The following KSR2 variants were observed in gnomAD, a reference collection of about 807,000 sequenced individuals.
KSR2 encodes the protein kinase suppressor of ras 2.
In KSR2, 25 loss-of-function variants were observed where a neutral mutation model predicts 107.8. The observed-to-expected ratio is 0.23, with a 90% CI of 0.17 to 0.32. The LOEUF is 0.32. Ranked by LOEUF, KSR2 falls within the 10% of genes least tolerant of loss-of-function variation. The probability of loss-of-function intolerance (pLI) is 1.00; values close to 1 mark genes in which losing one functional copy is unlikely to be tolerated. For synonymous variants in KSR2, 480 were observed against 507.0 expected (o/e 0.95, Z 0.71); for missense variants, 887 against 1,268.9 (o/e 0.70, Z 4.57).
rs186142077 is a variant in KSR2, at chr12:117,700,072, G to A, written c.987-32414C>T. On this transcript the variant is annotated intron_variant, in intron 4 of 19. Coordinates refer to ENST00000339824, the MANE Select transcript of KSR2 (RefSeq NM_173598.6). Reference sequence around the variant, plus strand: ...ACTTTTTTTTTTTTTAGTAGAGACCGGTTTCACCATGTTGGCCAGGCTGGT... The same window carrying A: ...ACTTTTTTTTTTTTTAGTAGAGACCAGTTTCACCATGTTGGCCAGGCTGGT... Among the ~76,000 whole-genome samples, 700 of 150,500 alleles carry A rather than the reference G, an allele frequency of 4.7e-3. 1 individual carries two copies. Among genetic ancestry groups the A allele is most frequent in the African/African-American group, 6.6e-3 (273 of 41,150 alleles).
At chr12:117,470,397 C>A (rs1174347900) in intron 18 of KSR2, among the ~76,000 whole-genome samples, 2 of 152,062 alleles carry the variant, frequency 1.3e-5, no homozygotes, top group African/African-American at 4.8e-5. Flanking sequence ...ATCCATCCAT[C>A]CATCCATCCA....
At chr12:117,932,111 AC>A (rs1212186829) in intron 1 of KSR2, among the ~76,000 whole-genome samples, 3 of 151,708 alleles carry the variant, frequency 2.0e-5, no homozygotes, top group Non-Finnish European at 4.4e-5. Context: ...ACATGGCAAA[AC>A]CCCATCTCTA....
intron 4 of KSR2, among the ~76,000 whole-genome samples, chr12:117,740,563 A>C (rs1335817785): frequency 5.4e-5 from 7 of 128,790 alleles, no homozygotes; most frequent in Non-Finnish European, 1.1e-4. Context: ...TAATATATGA[A>C]TATATAACAT....
intron 4 of KSR2, among the ~76,000 whole-genome samples, chr12:117,740,357 G>GTA (rs201184804): frequency 9.1e-5 from 12 of 131,916 alleles, no homozygotes; most frequent in Middle Eastern, 4.1e-3. Flanking sequence ...ACTATATATA[G>GTA]TATATATATA....
At chr12:117,616,160 C>CAAAAA (rs386766773) in intron 5 of KSR2, among the ~76,000 whole-genome samples, 2 of 51,156 alleles carry the variant, frequency 3.9e-5, no homozygotes, top group Non-Finnish European at 7.7e-5. Context: ...GACCCTGTCT[C>CAAAAA]GAAAAAAAAA....
intron 4 of KSR2, among the ~76,000 whole-genome samples, chr12:117,739,131 A>G (rs675372): frequency 0.7 from 106,077 of 152,058 alleles, 37,514 homozygotes; most frequent in South Asian, 0.86. Context: ...CAAGGTGGGC[A>G]GATCACGAGG....
rs1211862084 is a variant in KSR2 at position 117,580,111 on chromosome 12, T to C, written c.1242-909A>G. Reference sequence around the variant, plus strand: ...TCAAAAGGGAAATCGGAAGTGGTTATGTAACTTGGAGTCTGAGAATTTCGA... The same window carrying C: ...TCAAAAGGGAAATCGGAAGTGGTTACGTAACTTGGAGTCTGAGAATTTCGA... On this transcript the variant is annotated intron_variant, in intron 6 of 19. Transcript: ENST00000339824. Among the ~76,000 whole-genome samples the C allele has an allele frequency of 2.6e-5, 4 of 152,326 alleles. No homozygotes were observed. In the East Asian group the frequency reaches 7.7e-4, roughly 29 times the overall value.
chr12:117,472,447 A>T (rs1871521089), intron 17 of KSR2, among the ~76,000 whole-genome samples: 1 of 152,220 alleles, frequency 6.6e-6, no homozygotes. Context: ...GACAGATCTC[A>T]GCGCTTTGAG....
chr12:117,591,758 C>A (rs1384298454), intron 5 of KSR2, among the ~76,000 whole-genome samples: 1 of 151,210 alleles, frequency 6.6e-6, no homozygotes, highest in Non-Finnish European at 1.5e-5. Flanking sequence ...AATCCCAGCA[C>A]TTTGGGAGGC....
At chr12:117,874,041 A>C (rs781758700) in intron 1 of KSR2, among the ~76,000 whole-genome samples, 2 of 152,220 alleles carry the variant, frequency 1.3e-5, no homozygotes, top group Non-Finnish European at 2.9e-5. Context: ...TCTATTTCAC[A>C]AAAGTATTGG....
chr12:117,819,482 C>T (rs1891489289), intron 3 of KSR2, among the ~76,000 whole-genome samples: 1 of 152,148 alleles, frequency 6.6e-6, no homozygotes, highest in African/African-American at 2.4e-5. Context: ...GGGGTAAAAG[C>T]CATGTTCACT....
intron 3 of KSR2, among the ~76,000 whole-genome samples, chr12:117,805,274 T>C (rs747695288): frequency 4.6e-5 from 7 of 152,366 alleles, no homozygotes; most frequent in Middle Eastern, 3.4e-3. Flanking sequence ...ATTTAGACTC[T>C]GAATATTACT....
At chr12:117,525,330 G>T in intron 13 of KSR2, 111 bp from the exon 14 acceptor site, 2 of 1,226,484 alleles carry the variant, frequency 1.6e-6, no homozygotes, top group South Asian at 1.6e-5. Context: ...ATCTCTACAT[G>T]CATTTGGAGC....
At chr12:117,531,193 T>A (rs947920340) in intron 11 of KSR2, among the ~76,000 whole-genome samples, 180 bp from the exon 12 acceptor site, 2 of 151,980 alleles carry the variant, frequency 1.3e-5, no homozygotes, top group African/African-American at 4.8e-5. Flanking sequence ...TGGACCAGGG[T>A]TCTGGATGAC....
chr12:117,957,925 G>A (rs775061748), intron 1 of KSR2, among the ~76,000 whole-genome samples: 4 of 151,660 alleles, frequency 2.6e-5, no homozygotes, highest in Admixed American at 6.6e-5. Context: ...TGCGCCTCCT[G>A]GGTTCAAGCG....
At chr12:117,541,638 C>T (rs1876497999) in intron 9 of KSR2, among the ~76,000 whole-genome samples, 1 of 152,054 alleles carries the variant, frequency 6.6e-6, no homozygotes, top group Non-Finnish European at 1.5e-5. Context: ...ACCGGGTACC[C>T]AAAGATGGTA....
intron 1 of KSR2, among the ~76,000 whole-genome samples, chr12:117,917,161 A>C (rs989136952): frequency 7.2e-5 from 11 of 152,350 alleles, no homozygotes; most frequent in African/African-American, 2.6e-4. Flanking sequence ...GGAGGGGGCA[A>C]AATTGCCCCC....
At position 117,582,299 on chromosome 12, in the gene KSR2, A is replaced by T; in HGVS notation, c.1232T>A (p.Ile411Asn). The T allele has an allele frequency of 6.2e-7, 1 of 1,613,750 alleles. No homozygotes were observed. The highest frequency in any genetic ancestry group is 8.5e-7 in the Non-Finnish European group (1 of 1,179,734). Reference protein sequence around the residue: ...QIPRRDLGNSIKHRFSTKYWM... With the variant: ...QIPRRDLGNSNKHRFSTKYWM... ...CAGGAATCCAGCCTACCTGTGCTTGATGGAGTTGCCGAGATCTCTGCGAGG... is the reference window on the plus strand; with the variant it reads ...CAGGAATCCAGCCTACCTGTGCTTGTTGGAGTTGCCGAGATCTCTGCGAGG... Residue 411 changes from isoleucine (I) to asparagine (N), a missense_variant, in exon 6 of 20, where the codon ATC becomes AAC. By Grantham distance (149) the Ile-to-Asn change is moderately radical. Transcript: ENST00000339824.
At chr12:117,812,608 C>A (rs1891229599) in intron 3 of KSR2, among the ~76,000 whole-genome samples, 1 of 151,896 alleles carries the variant, frequency 6.6e-6, no homozygotes. Context: ...GAAGAGTCCC[C>A]TCTACAAGGA....
Sources: gnomAD v4.1 joint callset for allele counts (sites outside exome capture counted in the v4.1 genomes callset) on GRCh38, gnomAD v4.1.1 for gene constraint, MANE v1.5 for transcripts, NCBI Gene and HGNC (gene_info 2026-07-23, HGNC 2026-07-21) for gene names.